HS6ST2: variants seen among roughly 807,000 people sequenced by gnomAD.
HS6ST2 encodes heparan sulfate 6-O-sulfotransferase 2, also known as heparan-sulfate 6-O-sulfotransferase 2.
HS6ST2 carries 17 observed loss-of-function variants against 33.0 expected under a neutral mutation model. That is an observed-to-expected ratio of 0.52 (90% CI 0.35 to 0.77). HS6ST2 has a LOEUF of 0.77. Ranked by LOEUF, HS6ST2 falls within the 30% of genes least tolerant of loss-of-function variation. The probability of loss-of-function intolerance (pLI) is 0.01; values close to 1 mark genes in which losing one functional copy is unlikely to be tolerated. For missense variants in HS6ST2, 519 were observed against 551.7 expected (o/e 0.94, Z 0.59); for synonymous variants, 248 against 237.1 (o/e 1.05, Z -0.42).
chrX:132,741,542 A>T (rs757713982), intron 2 of HS6ST2, among the ~76,000 whole-genome samples: 9 of 110,984 alleles, frequency 8.1e-5, no homozygotes, highest in Admixed American at 1.9e-4. Flanking sequence ...TCAGTATCCC[A>T]AAGTGCTGGG....
intron 3 of HS6ST2, among the ~76,000 whole-genome samples, chrX:132,677,093 A>G (rs2148214418): frequency 8.9e-6 from 1 of 112,366 alleles, no homozygotes; most frequent in African/African-American, 3.2e-5. Context: ...GATCCGGCAT[A>G]ATTAAAAATT....
chrX:132,713,615 T>C (rs1251793462), intron 2 of HS6ST2, among the ~76,000 whole-genome samples: 1 of 111,956 alleles, frequency 8.9e-6, no homozygotes, highest in African/African-American at 3.3e-5. Flanking sequence ...AAATCATGCA[T>C]ACCTCATGAG....
At chrX:132,730,585 CCCACG>C (rs2064447486) in intron 2 of HS6ST2, among the ~76,000 whole-genome samples, 1 of 111,995 alleles carries the variant, frequency 8.9e-6, no homozygotes, top group South Asian at 3.8e-4. Flanking sequence ...TCAAGAAAAG[CCCACG>C]TGGGCAACAA....
intron 2 of HS6ST2, among the ~76,000 whole-genome samples, chrX:132,870,025 C>T (rs1323130983): frequency 9.0e-6 from 1 of 111,470 alleles, no homozygotes. Context: ...ACCCCATCGT[C>T]TCAGCCCAAA....
chrX:132,861,562 T>C (rs2065911109), intron 2 of HS6ST2, among the ~76,000 whole-genome samples: 1 of 112,821 alleles, frequency 8.9e-6, no homozygotes. Context: ...TTTTCTGCCT[T>C]ATCTTCAACA....
At chrX:132,770,812 C>A (rs887494946) in intron 2 of HS6ST2, among the ~76,000 whole-genome samples, 2 of 110,309 alleles carry the variant, frequency 1.8e-5, no homozygotes, top group African/African-American at 6.6e-5. Context: ...GTGGCTAATA[C>A]AACACAAGCC....
intron 2 of HS6ST2, among the ~76,000 whole-genome samples, chrX:132,794,497 G>A (rs149883212): frequency 0.022 from 2,366 of 110,042 alleles, 47 homozygotes; most frequent in East Asian, 0.13. Flanking sequence ...AGGCTCAAGC[G>A]ATCCTCTCAC....
intron 3 of HS6ST2, among the ~76,000 whole-genome samples, chrX:132,701,983 A>G (rs1475159231): frequency 2.7e-5 from 3 of 112,443 alleles, no homozygotes; most frequent in Non-Finnish European, 3.8e-5. Context: ...TCTAGCTGGC[A>G]GAGGTTAAAA....
intron 2 of HS6ST2, among the ~76,000 whole-genome samples, chrX:132,861,957 A>G (rs1314911430): frequency 2.7e-5 from 3 of 112,194 alleles, no homozygotes; most frequent in African/African-American, 9.7e-5. Flanking sequence ...GGTTTCTTAA[A>G]TGAATTTTCT....
At chrX:132,902,976 T>C in intron 2 of HS6ST2, among the ~76,000 whole-genome samples, 1 of 111,706 alleles carries the variant, frequency 9.0e-6, no homozygotes, top group Middle Eastern at 4.6e-3. Context: ...GATAAGGAAA[T>C]ACAGGCACCC....
At chrX:132,893,298 T>C (rs771318719) in intron 2 of HS6ST2, among the ~76,000 whole-genome samples, 2 of 112,398 alleles carry the variant, frequency 1.8e-5, no homozygotes, top group Non-Finnish European at 3.8e-5. Flanking sequence ...GCTTGACTTA[T>C]AGTATTCACG....
chrX:132,812,215 G>A, intron 2 of HS6ST2, among the ~76,000 whole-genome samples: 1 of 108,820 alleles, frequency 9.2e-6, no homozygotes, highest in Non-Finnish European at 1.9e-5. Context: ...AATCAGCCTG[G>A]CCAACATGGT....
chrX:132,752,028 C>T (rs185276161), intron 2 of HS6ST2, among the ~76,000 whole-genome samples: 11 of 112,107 alleles, frequency 9.8e-5, no homozygotes, highest in African/African-American at 3.2e-4. Context: ...ACATGACTTG[C>T]CCAGGTCACA....
chrX:132,698,061 TC>T (rs1187356370), intron 3 of HS6ST2, among the ~76,000 whole-genome samples: 6 of 111,185 alleles, frequency 5.4e-5, no homozygotes, highest in Admixed American at 9.6e-5. Flanking sequence ...ACACAAGGGG[TC>T]CTCAATTCTC....
chrX:132,872,318 T>C (rs747933377), intron 2 of HS6ST2, among the ~76,000 whole-genome samples: 4 of 112,296 alleles, frequency 3.6e-5, no homozygotes, highest in Non-Finnish European at 7.5e-5. Context: ...TTGTTTATAC[T>C]ACCTGTATGG....
intron 3 of HS6ST2, among the ~76,000 whole-genome samples, chrX:132,677,350 A>C: frequency 8.9e-6 from 1 of 112,016 alleles, no homozygotes. Flanking sequence ...GTGAATTACC[A>C]CTTTGTTTCA....
chrX:132,823,783 G>A (rs2148379829), intron 2 of HS6ST2, among the ~76,000 whole-genome samples: 1 of 105,379 alleles, frequency 9.5e-6, no homozygotes, highest in South Asian at 4.4e-4. Context: ...CCCAGGAGGT[G>A]GAGGTTGCAG....
chrX:132,764,692 A>G lies in HS6ST2; in HGVS notation c.948-56198T>C, dbSNP rs1482174775. ...TCCACCTCCTTCCAGGCCAAGCTCAATCTTCCCTACTTACCAAGTTAATGA... is the reference window on the plus strand; with the variant it reads ...TCCACCTCCTTCCAGGCCAAGCTCAGTCTTCCCTACTTACCAAGTTAATGA... On this transcript the variant is annotated intron_variant, in intron 2 of 4. Coordinates refer to ENST00000370833, the MANE Select transcript of HS6ST2 (RefSeq NM_001394073.1). 3.6e-5 allele frequency among the ~76,000 whole-genome samples: 4 copies of G among 111,686 alleles called. No homozygotes were observed. In the Admixed American group the frequency reaches 3.8e-4, roughly 11 times the overall value.
intron 2 of HS6ST2, among the ~76,000 whole-genome samples, chrX:132,922,845 T>G (rs2066666935): frequency 9.0e-6 from 1 of 111,375 alleles, no homozygotes. Context: ...GGTGGATCAC[T>G]TGAGGCCAGG....
Sources: allele counts gnomAD v4.1 joint callset (sites outside exome capture counted in the v4.1 genomes callset), GRCh38; gene constraint gnomAD v4.1.1; transcripts MANE v1.5; gene names NCBI Gene and HGNC (gene_info 2026-07-23, HGNC 2026-07-21).